The following UBE2J2 variants were observed in gnomAD, a reference collection of about 807,000 sequenced individuals.
UBE2J2 encodes ubiquitin-conjugating enzyme E2 J2.
A neutral mutation model predicts 28.6 loss-of-function variants in UBE2J2; 5 were observed. The ratio of observed to expected loss-of-function variants is 0.17; its 90% CI spans 0.09 to 0.37. The LOEUF is 0.37. UBE2J2 is among the 10% of genes least tolerant of loss of function. UBE2J2 has a pLI of 1.00. For synonymous variants in UBE2J2, 138 were observed against 139.7 expected, an observed-to-expected ratio of 0.99 and a Z score of 0.09; for missense variants, 226 against 338.9, an observed-to-expected ratio of 0.67 and a Z score of 2.62.
At chr1:1,263,640 C>A in intron 2 of UBE2J2, 2 of 383,232 alleles carry the variant, frequency 5.2e-6, no homozygotes, top group Non-Finnish European at 9.7e-6. Flanking sequence ...ACCTTTGTTT[C>A]GACAATATAA....
At chr1:1,257,407 C>CCCA in intron 3 of UBE2J2, 97 bp from the exon 4 acceptor site, 1 of 554,638 alleles carries the variant, frequency 1.8e-6, no homozygotes, top group Non-Finnish European at 2.8e-6. Flanking sequence ...CCCCCCCCCC[C>CCCA]CTCAGCTCGG....
intron 5 of UBE2J2, chr1:1,256,388 C>T (rs1639174277): frequency 5.0e-6 from 2 of 400,876 alleles, no homozygotes; most frequent in Non-Finnish European, 9.1e-6. Flanking sequence ...CTGACAAGGC[C>T]CGGGCCGTCT....
intron 1 of UBE2J2, chr1:1,272,881 A>T (rs1272904717): frequency 1.3e-5 from 2 of 153,224 alleles, no homozygotes; most frequent in African/African-American, 4.8e-5. Context: ...CAGATTACAC[A>T]GTCTGGTTCC....
Position 1,255,434 on chromosome 1 carries a change from A to T in UBE2J2, c.549T>A (p.Thr183=), listed in dbSNP as rs1297368476. Residue 183 remains threonine (T), a synonymous_variant, in exon 7 of 7, where the codon ACT becomes ACA. Coordinates refer to ENST00000349431, the MANE Select transcript of UBE2J2 (RefSeq NM_058167.3). ...CTGGAACCACGTCTGGCAAGGGGAG[A>T]GTCTGGGGTCTGCTACTGAGTTCGT... is the stretch of plus-strand genomic sequence containing the variant. ...AQDELSSRPQ[T]LPLPDVVPDG... is the part of the protein sequence containing the mutation. 1 of 1,613,690 alleles carries T rather than the reference A, an allele frequency of 6.2e-7. No homozygotes were observed. The highest frequency in any genetic ancestry group is 8.5e-7 in the Non-Finnish European group (1 of 1,179,948).
rs1173743625 is a variant in UBE2J2 at position 1,257,833 on chromosome 1, C to T, written c.173-523G>A. On this transcript the variant is annotated intron_variant, in intron 3 of 6. Coordinates refer to ENST00000349431, the MANE Select transcript of UBE2J2 (RefSeq NM_058167.3). Reference sequence around the variant, plus strand: ...GCCAGCAAAACGCACCTCAAACACACCACTCTCCACCACACACCCCTCCAA... The same window carrying T: ...GCCAGCAAAACGCACCTCAAACACATCACTCTCCACCACACACCCCTCCAA... Among the ~76,000 whole-genome samples the T allele has an allele frequency of 2.0e-5, 3 of 151,916 alleles. No homozygotes were observed. In the East Asian group the frequency reaches 5.8e-4, roughly 29 times the overall value.
At chr1:1,273,453 C>T (rs1640270141) in intron 1 of UBE2J2, 1 of 151,534 alleles carries the variant, frequency 6.6e-6, no homozygotes, top group African/African-American at 2.4e-5. Context: ...GGTCAAGTCC[C>T]CGACATGACC....
chr1:1,262,233 C>G (rs1301364368), intron 3 of UBE2J2: 3 of 435,310 alleles, frequency 6.9e-6, no homozygotes, highest in African/African-American at 6.1e-5. Flanking sequence ...AGTACTTTAA[C>G]ACGCCCTGGA....
Position 1,257,064 on chromosome 1 carries a change from G to T in UBE2J2, c.342C>A (p.Ile114=), listed in dbSNP as rs1050264093. Residue 114 remains isoleucine, a synonymous_variant, in exon 5 of 7, where the codon ATC becomes ATA. Coordinates refer to ENST00000349431, the MANE Select transcript of UBE2J2 (RefSeq NM_058167.3). ...TWNPAWSVST[I]LTGLLSFMVE... is the part of the protein sequence containing the mutation. ...CCATGAAGCTCAGGAGCCCAGTCAGGATGGTGGAGACAGACCAGGCCGGGT... is the reference window on the plus strand; with the variant it reads ...CCATGAAGCTCAGGAGCCCAGTCAGTATGGTGGAGACAGACCAGGCCGGGT... The T allele has an allele frequency of 3.1e-6, 5 of 1,613,288 alleles. No homozygotes were observed. In the African/African-American group the frequency reaches 6.7e-5, roughly 22 times the overall value.
intron 3 of UBE2J2, chr1:1,262,209 C>A (rs947512456): frequency 7.3e-6 from 3 of 411,158 alleles, no homozygotes; most frequent in South Asian, 1.7e-5. Context: ...AAGGCACACA[C>A]ACGCATCGTA....
chr1:1,257,388 A>ACCCCCCCC (rs1557550234), intron 3 of UBE2J2, 78 bp from the exon 4 acceptor site: 12 of 135,518 alleles, frequency 8.9e-5, no homozygotes, highest in Non-Finnish European at 1.3e-4. Flanking sequence ...CCATCCCCCC[A>ACCCCCCCC]CGCCACCCCC....
intron 1 of UBE2J2, among the ~76,000 whole-genome samples, chr1:1,271,943 C>T (rs1640164926): frequency 7.4e-6 from 1 of 135,850 alleles, no homozygotes; most frequent in African/African-American, 2.8e-5. Flanking sequence ...CATTGCACTC[C>T]AGCCTGGGCA....
intron 3 of UBE2J2, chr1:1,262,382 C>G (rs1431493219): frequency 4.4e-6 from 2 of 454,004 alleles, no homozygotes; most frequent in Admixed American, 4.7e-5. Context: ...TGATCCAGAA[C>G]TGGGATTCCT....
At chr1:1,264,427 G>A (rs984746681) in intron 2 of UBE2J2, among the ~76,000 whole-genome samples, 7 of 152,116 alleles carry the variant, frequency 4.6e-5, no homozygotes, top group African/African-American at 1.7e-4. Context: ...GGCCAACACC[G>A]GCCATCATCT....
chr1:1,265,161 TGA>T (rs1333920148), intron 2 of UBE2J2, among the ~76,000 whole-genome samples: 1 of 152,112 alleles, frequency 6.6e-6, no homozygotes, highest in African/African-American at 2.4e-5. Context: ...TTGGGGCGGC[TGA>T]GAGAAGATGG....
intron 3 of UBE2J2, among the ~76,000 whole-genome samples, chr1:1,261,725 C>A (rs934787688): frequency 6.6e-6 from 1 of 150,652 alleles, no homozygotes; most frequent in African/African-American, 2.4e-5. Context: ...CGGCTCACTG[C>A]AAGCTCCGCC....
intron 3 of UBE2J2, among the ~76,000 whole-genome samples, chr1:1,260,213 G>A (rs12069094): frequency 0.045 from 6,812 of 152,252 alleles, 317 homozygotes; most frequent in African/African-American, 0.12. Context: ...AGGGAGAGGC[G>A]AAGCCCAGGA....
chr1:1,266,048 G>T, intron 2 of UBE2J2: 2 of 1,302,652 alleles, frequency 1.5e-6, no homozygotes, highest in Non-Finnish European at 2.0e-6. Context: ...CAATGAAGAC[G>T]TCCTCGCAAC....
intron 2 of UBE2J2, among the ~76,000 whole-genome samples, chr1:1,266,631 C>T (rs1211594878): frequency 5.3e-5 from 8 of 151,964 alleles, no homozygotes; most frequent in Non-Finnish European, 8.8e-5. Flanking sequence ...ACCATCCTGG[C>T]TAACACGGTG....
chr1:1,257,438 T>G, intron 3 of UBE2J2, 128 bp from the exon 4 acceptor site: 1 of 487,816 alleles, frequency 2.0e-6, no homozygotes, highest in Non-Finnish European at 3.4e-6. Context: ...CTCATTGCAC[T>G]CTCCGTCCCC....
Sources: gnomAD v4.1 joint callset for allele counts (sites outside exome capture counted in the v4.1 genomes callset) on GRCh38, gnomAD v4.1.1 for gene constraint, MANE v1.5 for transcripts, NCBI Gene and HGNC (gene_info 2026-07-23, HGNC 2026-07-21) for gene names.